CHCHD6: variants seen among roughly 807,000 people sequenced by gnomAD.
The protein encoded by CHCHD6 is MICOS complex subunit MIC25.
CHCHD6 carries 28 observed loss-of-function variants against 32.3 expected under a neutral mutation model. That is an observed-to-expected ratio of 0.87 (90% CI 0.64 to 1.19). The LOEUF (loss-of-function observed/expected upper bound fraction) is 1.19, where lower values mean the gene tolerates loss of function less well. Among genes scored for constraint, CHCHD6 ranks in the 50% most tolerant of loss-of-function variants. The probability of loss-of-function intolerance (pLI) is 0.00; values close to 1 mark genes in which losing one functional copy is unlikely to be tolerated. For missense variants in CHCHD6, 333 were observed against 307.0 expected, an observed-to-expected ratio of 1.08 and a Z score of -0.63; for synonymous variants, 122 against 117.5, an observed-to-expected ratio of 1.04 and a Z score of -0.25.
At chr3:126,740,886 T>G (rs187758925) in intron 4 of CHCHD6, among the ~76,000 whole-genome samples, 29 of 152,324 alleles carry the variant, frequency 1.9e-4, no homozygotes, top group Admixed American at 1.7e-3. Context: ...AAAATGAACT[T>G]TGATTTATTT....
In CHCHD6 at chr3:126,797,176, C is replaced by T. The variant is rs60066849; in HGVS notation, c.412-55471C>T. ...GGCTGTCTGAGGCTCTCTAGCCCGG[C>T]GAGCAGGGAGAGAGGGTTGCCACCT... is the stretch of plus-strand genomic sequence containing the variant. On this transcript the variant is annotated intron_variant, in intron 4 of 7. Coordinates refer to ENST00000290913, the MANE Select transcript of CHCHD6 (RefSeq NM_032343.3). 6.2e-3 allele frequency among the ~76,000 whole-genome samples: 945 copies of T among 152,210 alleles called. 4 individuals are homozygous for T. The highest frequency in any genetic ancestry group is 8.8e-3 in the African/African-American group (364 of 41,536).
chr3:126,769,354 A>G (rs1439126798), intron 4 of CHCHD6, among the ~76,000 whole-genome samples: 1 of 151,984 alleles, frequency 6.6e-6, no homozygotes, highest in Non-Finnish European at 1.5e-5. Flanking sequence ...TGGGTTCTCT[A>G]TTCTGTTCCG....
intron 4 of CHCHD6, among the ~76,000 whole-genome samples, chr3:126,775,066 G>T (rs902979605): frequency 6.6e-6 from 1 of 152,202 alleles, no homozygotes; most frequent in African/African-American, 2.4e-5. Context: ...TTGTGTATGT[G>T]ATGTCCAGGG....
At chr3:126,802,380 G>A (rs1576434021) in intron 4 of CHCHD6, among the ~76,000 whole-genome samples, 3 of 152,242 alleles carry the variant, frequency 2.0e-5, no homozygotes, top group Admixed American at 2.0e-4. Context: ...GGAGCTGATG[G>A]AGCTGAAAGC....
intron 5 of CHCHD6, among the ~76,000 whole-genome samples, chr3:126,909,643 G>A (rs1203992976): frequency 6.6e-6 from 1 of 152,204 alleles, no homozygotes; most frequent in African/African-American, 2.4e-5. Flanking sequence ...GCTTTCAGAT[G>A]TGCATGTGGG....
At chr3:126,752,814 T>C (rs1400034725) in intron 4 of CHCHD6, among the ~76,000 whole-genome samples, 3 of 152,146 alleles carry the variant, frequency 2.0e-5, no homozygotes, top group African/African-American at 7.2e-5. Flanking sequence ...ATGGCTTGGC[T>C]TGGATCCAGA....
At chr3:126,787,848 A>T (rs1237395296) in intron 4 of CHCHD6, among the ~76,000 whole-genome samples, 1 of 152,208 alleles carries the variant, frequency 6.6e-6, no homozygotes, top group Admixed American at 6.5e-5. Flanking sequence ...CCTGGCCAGA[A>T]CTTCCAACAC....
chr3:126,871,218 G>A (rs996151081), intron 5 of CHCHD6, among the ~76,000 whole-genome samples: 2 of 152,140 alleles, frequency 1.3e-5, no homozygotes, highest in African/African-American at 4.8e-5. Flanking sequence ...TTTCACCCCA[G>A]TATGGGCCTA....
chr3:126,730,735 A>G, intron 3 of CHCHD6, 105 bp downstream of exon 3: 1 of 881,374 alleles, frequency 1.1e-6, no homozygotes, highest in Non-Finnish European at 1.8e-6. Context: ...GCTTTGTCTC[A>G]CATAATTAAT....
At chr3:126,764,048 C>T (rs1392429763) in intron 4 of CHCHD6, among the ~76,000 whole-genome samples, 1 of 151,424 alleles carries the variant, frequency 6.6e-6, no homozygotes, top group Non-Finnish European at 1.5e-5. Flanking sequence ...TTTATGTTAT[C>T]GTCACAAATT....
chr3:126,852,581 C>T, intron 4 of CHCHD6, 66 bp from the exon 5 acceptor site: 2 of 1,181,452 alleles, frequency 1.7e-6, no homozygotes, highest in Non-Finnish European at 2.5e-6. Context: ...CCGTCGCCTT[C>T]TCCCTGCAGC....
chr3:126,810,009 A>G (rs1165827590), intron 4 of CHCHD6, among the ~76,000 whole-genome samples: 2 of 152,204 alleles, frequency 1.3e-5, no homozygotes, highest in Non-Finnish European at 2.9e-5. Flanking sequence ...TTTTAAAATA[A>G]TATACATTTT....
chr3:126,773,602 C>CTTTTTTTT (rs769256372), intron 4 of CHCHD6, among the ~76,000 whole-genome samples: 83 of 89,924 alleles, frequency 9.2e-4, no homozygotes, highest in Non-Finnish European at 1.3e-3. Flanking sequence ...TTCTGCTTTT[C>CTTTTTTTT]TTTTTTTTTT....
intron 5 of CHCHD6, among the ~76,000 whole-genome samples, chr3:126,871,709 A>G (rs1576534849): frequency 8.3e-6 from 1 of 120,076 alleles, no homozygotes; most frequent in Non-Finnish European, 1.6e-5. Context: ...TCTGTCGCCC[A>G]GGCTGGAGTG....
intron 3 of CHCHD6, 40 bp downstream of exon 3, chr3:126,730,670 G>A (rs762397374): frequency 1.7e-5 from 27 of 1,551,030 alleles, no homozygotes; most frequent in East Asian, 4.5e-5. Context: ...ACTGCGCTCC[G>A]CCTAAAAGCC....
At chr3:126,823,046 C>G (rs573775030) in intron 4 of CHCHD6, among the ~76,000 whole-genome samples, 287 of 152,186 alleles carry the variant, frequency 1.9e-3, no homozygotes, top group African/African-American at 6.5e-3. Context: ...GCTGGGACTA[C>G]AGGCACACAT....
intron 4 of CHCHD6, among the ~76,000 whole-genome samples, chr3:126,742,804 A>G (rs1319274549): frequency 6.6e-6 from 1 of 152,232 alleles, no homozygotes; most frequent in African/African-American, 2.4e-5. Context: ...TAGAACTATG[A>G]GAAATAAATT....
intron 6 of CHCHD6, among the ~76,000 whole-genome samples, chr3:126,942,680 G>C (rs1274931657): frequency 6.6e-6 from 1 of 152,124 alleles, no homozygotes; most frequent in Admixed American, 6.6e-5. Flanking sequence ...CCCAGCCCTG[G>C]AGTCAGCCGT....
At chr3:126,863,999 T>C (rs1464720844) in intron 5 of CHCHD6, among the ~76,000 whole-genome samples, 444 of 24,284 alleles carry the variant, frequency 0.018, no homozygotes, top group Middle Eastern at 0.053. Context: ...ATCACTACCT[T>C]CTCCCCCACT....
Sources: gnomAD v4.1 joint callset for allele counts (sites outside exome capture counted in the v4.1 genomes callset) on GRCh38, gnomAD v4.1.1 for gene constraint, MANE v1.5 for transcripts, NCBI Gene and HGNC (gene_info 2026-07-23, HGNC 2026-07-21) for gene names.